DLGAP2: variants seen among roughly 807,000 people sequenced by gnomAD.
The protein encoded by DLGAP2 is DLG associated protein 2, also known as disks large-associated protein 2.
DLGAP2 carries 26 observed loss-of-function variants against 100.3 expected under a neutral mutation model. The observed-to-expected ratio is 0.26, with a 90% confidence interval of 0.19 to 0.36. The LOEUF (loss-of-function observed/expected upper bound fraction) is 0.36, where lower values mean the gene tolerates loss of function less well. Among genes scored for constraint, DLGAP2 ranks in the 10% least tolerant of loss-of-function variants. The probability of loss-of-function intolerance (pLI) is 1.00; values close to 1 mark genes in which losing one functional copy is unlikely to be tolerated. For missense variants in DLGAP2, 1,858 were observed against 1,453.2 expected (o/e 1.28, Z -4.53); for synonymous variants, 886 against 630.1 (o/e 1.41, Z -6.08).
rs894149983 is a variant in DLGAP2 at position 1,704,118 on chromosome 8, G to A, written c.*2712G>A. ...AAAACTGTTTATGATACTTGTGTTAGTCACTCGAGCTAGCTTATTTCAGCC... is the reference window on the plus strand; with the variant it reads ...AAAACTGTTTATGATACTTGTGTTAATCACTCGAGCTAGCTTATTTCAGCC... On this transcript the variant is annotated 3_prime_UTR_variant, in exon 15 of 15. Coordinates refer to ENST00000637795, the MANE Select transcript of DLGAP2 (RefSeq NM_001346810.2). The A allele has an allele frequency of 6.6e-6, 1 of 152,616 alleles. No homozygotes were observed. The highest frequency in any genetic ancestry group is 2.4e-5 in the African/African-American group (1 of 41,440). 9.5% of individuals were successfully genotyped at this position (152,616 alleles called of 1,614,324 possible).
chr8:1,413,000 G>A (rs1796776709), intron 3 of DLGAP2, among the ~76,000 whole-genome samples: 3 of 152,062 alleles, frequency 2.0e-5, no homozygotes, highest in Non-Finnish European at 2.9e-5. Flanking sequence ...ACCACAGTGT[G>A]GGAAAAATCC....
intron 8 of DLGAP2, among the ~76,000 whole-genome samples, chr8:1,650,635 T>C (rs113035363): frequency 2.0e-5 from 3 of 152,408 alleles, no homozygotes; most frequent in African/African-American, 7.2e-5. Context: ...AGAATCTGCA[T>C]CTGCATTTCT....
intron 2 of DLGAP2, among the ~76,000 whole-genome samples, chr8:1,072,371 CAT>C (rs1319793184): frequency 2.0e-5 from 3 of 152,198 alleles, no homozygotes; most frequent in Non-Finnish European, 2.9e-5. Context: ...TTGGTTCTCA[CAT>C]GTGGTCATCC....
At chr8:1,494,677 G>A (rs1345370501) in intron 3 of DLGAP2, among the ~76,000 whole-genome samples, 1 of 152,044 alleles carries the variant, frequency 6.6e-6, no homozygotes, top group Non-Finnish European at 1.5e-5. Context: ...ACAGTGAGCT[G>A]AGATTGTGCC....
intron 2 of DLGAP2, among the ~76,000 whole-genome samples, chr8:1,246,575 A>C (rs1370754038): frequency 6.6e-6 from 1 of 152,230 alleles, no homozygotes; most frequent in Admixed American, 6.5e-5. Flanking sequence ...TGAGATGCAC[A>C]ATGCTTAAGA....
chr8:1,175,408 C>T (rs531076018), intron 2 of DLGAP2, among the ~76,000 whole-genome samples: 51 of 152,270 alleles, frequency 3.3e-4, no homozygotes, highest in African/African-American at 1.2e-3. Flanking sequence ...ACATTACCAT[C>T]ATAGTTGTGA....
chr8:1,426,221 T>C (rs975806593), intron 3 of DLGAP2, among the ~76,000 whole-genome samples: 3 of 151,970 alleles, frequency 2.0e-5, no homozygotes, highest in African/African-American at 7.3e-5. Flanking sequence ...AAATTCAAAA[T>C]GATGAGAACA....
chr8:1,628,061 C>G (rs1156464226), intron 7 of DLGAP2, among the ~76,000 whole-genome samples: 1 of 122,412 alleles, frequency 8.2e-6, no homozygotes, highest in Non-Finnish European at 1.7e-5. Context: ...CTTGAGCCAA[C>G]CTCACATTCT....
chr8:1,155,432 A>G (rs1796764103), intron 2 of DLGAP2, among the ~76,000 whole-genome samples: 1 of 151,996 alleles, frequency 6.6e-6, no homozygotes, highest in East Asian at 2.0e-4. Context: ...CGGCGGGCGC[A>G]CCGGCTTCCC....
chr8:885,167 A>C (rs1797898565), intron 1 of DLGAP2, among the ~76,000 whole-genome samples: 1 of 152,242 alleles, frequency 6.6e-6, no homozygotes, highest in African/African-American at 2.4e-5. Context: ...AATTCTGTGA[A>C]GAATGTCAGT....
intron 3 of DLGAP2, among the ~76,000 whole-genome samples, chr8:1,491,217 G>A (rs902390678): frequency 1.3e-5 from 2 of 151,804 alleles, no homozygotes; most frequent in African/African-American, 2.4e-5. Context: ...AAAAATGCTC[G>A]CTGTTTCTCT....
At chr8:758,516 C>T (rs1009283089) in intron 1 of DLGAP2, among the ~76,000 whole-genome samples, 3 of 152,140 alleles carry the variant, frequency 2.0e-5, no homozygotes, top group Non-Finnish European at 4.4e-5. Context: ...TCTGCCCATC[C>T]CAAGGTGCCC....
At chr8:1,256,252 T>G (rs1197004657) in intron 2 of DLGAP2, among the ~76,000 whole-genome samples, 1 of 131,032 alleles carries the variant, frequency 7.6e-6, no homozygotes, top group Non-Finnish European at 1.6e-5. Flanking sequence ...GCTGTGTGTG[T>G]GTCCTCTCCT....
At chr8:1,341,745 G>A (rs1036930205) in intron 3 of DLGAP2, among the ~76,000 whole-genome samples, 1 of 152,266 alleles carries the variant, frequency 6.6e-6, no homozygotes, top group South Asian at 2.1e-4. Flanking sequence ...CGTTAGCAGG[G>A]TGTGCTAGCA....
At chr8:1,480,908 T>C (rs1211721304) in intron 3 of DLGAP2, among the ~76,000 whole-genome samples, 3 of 140,914 alleles carry the variant, frequency 2.1e-5, no homozygotes, top group African/African-American at 5.3e-5. Flanking sequence ...AAGGGTGGCT[T>C]ACGCCTGTAA....
intron 2 of DLGAP2, among the ~76,000 whole-genome samples, chr8:994,849 C>T (rs1410876564): frequency 6.6e-6 from 1 of 152,166 alleles, no homozygotes; most frequent in Admixed American, 6.5e-5. Flanking sequence ...CTCCAGTTTA[C>T]GGACTGCTGG....
At chr8:1,067,898 C>A (rs543579934) in intron 2 of DLGAP2, among the ~76,000 whole-genome samples, 1 of 152,060 alleles carries the variant, frequency 6.6e-6, no homozygotes, top group Non-Finnish European at 1.5e-5. Flanking sequence ...CACACCCCCC[C>A]ATTACAGCAG....
At chr8:1,452,491 G>A (rs904130362) in intron 3 of DLGAP2, among the ~76,000 whole-genome samples, 13 of 152,208 alleles carry the variant, frequency 8.5e-5, no homozygotes, top group African/African-American at 2.7e-4. Flanking sequence ...TCTCAGGGCC[G>A]CTAGGATGCC....
chr8:984,539 G>A (rs2654014), intron 2 of DLGAP2, among the ~76,000 whole-genome samples: 37,165 of 152,076 alleles, frequency 0.24, 4,727 homozygotes, highest in Middle Eastern at 0.32. Context: ...AACCACGGCC[G>A]TGCCTGGCAT....
Sources: gnomAD v4.1 joint callset for allele counts (sites outside exome capture counted in the v4.1 genomes callset) on GRCh38, gnomAD v4.1.1 for gene constraint, MANE v1.5 for transcripts, NCBI Gene and HGNC (gene_info 2026-07-23, HGNC 2026-07-21) for gene names.